The following LYPD6B variants were observed in gnomAD, a reference collection of about 807,000 sequenced individuals.
LYPD6B encodes ly6/PLAUR domain-containing protein 6B.
Under a neutral mutation model 22.8 loss-of-function variants are expected in LYPD6B, and 17 were observed. The observed-to-expected ratio is 0.75, with a 90% CI of 0.51 to 1.12. The LOEUF is 1.12. Ranked by LOEUF, LYPD6B falls within the 50% of genes most tolerant of loss-of-function variation. The pLI, the probability that LYPD6B is intolerant of heterozygous loss-of-function variation, is 0.00. For missense variants in LYPD6B, 221 were observed against 258.3 expected (o/e 0.86, Z 0.99); for synonymous variants, 106 against 91.6 (o/e 1.16, Z -0.90).
intron 2 of LYPD6B, among the ~76,000 whole-genome samples, chr2:149,141,157 A>T (rs938894100): frequency 1.3e-5 from 2 of 152,218 alleles, no homozygotes; most frequent in Non-Finnish European, 2.9e-5. Context: ...TTCTTTAGAT[A>T]ACCTGGTCAG....
chr2:149,084,972 A>C (rs1685318459), intron 1 of LYPD6B, among the ~76,000 whole-genome samples: 1 of 152,174 alleles, frequency 6.6e-6, no homozygotes, highest in African/African-American at 2.4e-5. Context: ...CCAACTCCAG[A>C]AGAAGTACAG....
chr2:149,111,243 T>C (rs759291159), intron 1 of LYPD6B, among the ~76,000 whole-genome samples: 4 of 152,110 alleles, frequency 2.6e-5, no homozygotes, highest in Admixed American at 6.6e-5. Flanking sequence ...CATTTAGTGG[T>C]TTTGAGAAAA....
At chr2:149,122,832 T>A (rs911938417) in intron 1 of LYPD6B, among the ~76,000 whole-genome samples, 1 of 152,136 alleles carries the variant, frequency 6.6e-6, no homozygotes, top group Non-Finnish European at 1.5e-5. Context: ...TTGCTTTTAT[T>A]TGGATGGCAA....
chr2:149,201,267 C>T (rs1404502635), intron 3 of LYPD6B, among the ~76,000 whole-genome samples: 1 of 152,182 alleles, frequency 6.6e-6, no homozygotes, highest in African/African-American at 2.4e-5. Flanking sequence ...TGAAGACGCT[C>T]ATAGGTCACC....
chr2:149,189,558 A>T (rs1227494517), intron 3 of LYPD6B, among the ~76,000 whole-genome samples: 1 of 151,754 alleles, frequency 6.6e-6, no homozygotes, highest in African/African-American at 2.4e-5. Context: ...ATAGAAATAG[A>T]GCTGGGGGAC....
chr2:149,166,756 A>G (rs1266741874), intron 3 of LYPD6B, among the ~76,000 whole-genome samples: 8 of 151,952 alleles, frequency 5.3e-5, no homozygotes, highest in Non-Finnish European at 1.5e-5. Context: ...TTGCATGTTC[A>G]CCCTAATATG....
intron 1 of LYPD6B, chr2:149,068,783 T>A: frequency 2.0e-6 from 1 of 487,862 alleles, no homozygotes; most frequent in Non-Finnish European, 4.2e-6. Context: ...AGAGAGGGAA[T>A]GAAACAAAGG....
At chr2:149,067,787 G>A (rs1324982477) in intron 1 of LYPD6B, among the ~76,000 whole-genome samples, 1 of 152,002 alleles carries the variant, frequency 6.6e-6, no homozygotes, top group Non-Finnish European at 1.5e-5. Flanking sequence ...TCCAAATGGA[G>A]AATTTATTAT....
intron 3 of LYPD6B, among the ~76,000 whole-genome samples, chr2:149,193,814 C>G (rs746859018): frequency 1.3e-5 from 2 of 151,840 alleles, no homozygotes; most frequent in Non-Finnish European, 2.9e-5. Flanking sequence ...ATAGAGGAAT[C>G]CAGGTTTCAG....
intron 1 of LYPD6B, among the ~76,000 whole-genome samples, chr2:149,114,615 T>C (rs1435049851): frequency 6.6e-6 from 1 of 152,188 alleles, no homozygotes; most frequent in Non-Finnish European, 1.5e-5. Context: ...GGCTAATCTT[T>C]AGTGATAGAT....
At chr2:149,072,479 T>A (rs969061831) in intron 1 of LYPD6B, among the ~76,000 whole-genome samples, 1 of 149,656 alleles carries the variant, frequency 6.7e-6, no homozygotes, top group East Asian at 2.0e-4. Context: ...GCTAGGGTGG[T>A]TATTTTTATT....
intron 1 of LYPD6B, among the ~76,000 whole-genome samples, chr2:149,073,085 T>A (rs1684696892): frequency 1.3e-5 from 2 of 152,278 alleles, no homozygotes; most frequent in South Asian, 4.1e-4. Flanking sequence ...GGGTAATGCA[T>A]GCCCAGTCAC....
At chr2:149,111,697 T>G (rs1686765552) in intron 1 of LYPD6B, among the ~76,000 whole-genome samples, 1 of 152,004 alleles carries the variant, frequency 6.6e-6, no homozygotes, top group South Asian at 2.1e-4. Context: ...TAAATTTGAG[T>G]GTCATCAGCA....
At chr2:149,201,185 A>T (rs184814260) in intron 3 of LYPD6B, among the ~76,000 whole-genome samples, 252 of 152,280 alleles carry the variant, frequency 1.7e-3, no homozygotes, top group African/African-American at 5.7e-3. Flanking sequence ...TCTACAATCG[A>T]TTATGTGGAT....
intron 1 of LYPD6B, among the ~76,000 whole-genome samples, chr2:149,066,904 G>A (rs1333211536): frequency 1.3e-5 from 2 of 152,062 alleles, no homozygotes; most frequent in Non-Finnish European, 2.9e-5. Context: ...AATTGATCTT[G>A]TCACCCAGAT....
At chr2:149,115,511 T>C (rs982705538) in intron 1 of LYPD6B, among the ~76,000 whole-genome samples, 19 of 152,230 alleles carry the variant, frequency 1.2e-4, no homozygotes, top group African/African-American at 4.3e-4. Context: ...GGTCTTATGA[T>C]TCTTGCTGGC....
At chr2:149,125,258 C>T (rs942664316) in intron 1 of LYPD6B, among the ~76,000 whole-genome samples, 6 of 152,090 alleles carry the variant, frequency 3.9e-5, no homozygotes, top group East Asian at 1.9e-4. Context: ...CGCCTGGCCC[C>T]GACAAAGCCC....
chr2:149,096,141 C>A (rs1010618330), intron 1 of LYPD6B, among the ~76,000 whole-genome samples: 2 of 151,258 alleles, frequency 1.3e-5, no homozygotes, highest in Non-Finnish European at 2.9e-5. Context: ...CAGAGAGAGA[C>A]AAACAGGAAA....
At chr2:149,047,329 A>C (rs1318152584) in intron 1 of LYPD6B, among the ~76,000 whole-genome samples, 1 of 151,820 alleles carries the variant, frequency 6.6e-6, no homozygotes, top group Admixed American at 6.6e-5. Flanking sequence ...CTGGGTTGAC[A>C]GTTTTTACGC....
Sources: allele counts gnomAD v4.1 joint callset (sites outside exome capture counted in the v4.1 genomes callset), GRCh38; gene constraint gnomAD v4.1.1; transcripts MANE v1.5; gene names NCBI Gene and HGNC (gene_info 2026-07-23, HGNC 2026-07-21).